Variants in MRPS27 observed in about 807,000 individuals in gnomAD.
MRPS27 encodes the protein small ribosomal subunit protein mS27.
MRPS27 carries 43 observed loss-of-function variants against 48.9 expected under a neutral mutation model. The ratio of observed to expected loss-of-function variants is 0.88; its 90% CI spans 0.69 to 1.13. MRPS27 has a LOEUF of 1.13. MRPS27 is among the 50% of genes most tolerant of loss of function. The pLI is 0.00. For missense variants in MRPS27, 467 were observed against 476.3 expected (o/e 0.98, Z 0.18); for synonymous variants, 188 against 171.9 (o/e 1.09, Z -0.73).
intron 4 of MRPS27, among the ~76,000 whole-genome samples, chr5:72,292,437 C>T (rs1253562106): frequency 6.6e-6 from 1 of 152,114 alleles, no homozygotes; most frequent in Non-Finnish European, 1.5e-5. Context: ...TGAATAGCAG[C>T]CTTTCTATCT....
rs1174250907 is a variant in MRPS27, at chr5:72,267,723, T to TA, written c.281+27807dup. ...CTCCAGAAATACATTTTGTCCAAAG[T>TA]AAAAAATGCCTGCAGTCAAAATCAA... On this transcript the variant is annotated intron_variant, in intron 4 of 10. Coordinates refer to ENST00000261413, the MANE Select transcript of MRPS27 (RefSeq NM_015084.3). Among the ~76,000 whole-genome samples the TA allele has an allele frequency of 5.3e-5, 8 of 151,984 alleles. No individual in the cohort carries two copies. The East Asian group carries it at 1.5e-3, about 29-fold the overall frequency.
intron 1 of MRPS27, among the ~76,000 whole-genome samples, chr5:72,319,537 CTTTTT>C (rs35020848): frequency 2.4e-5 from 2 of 84,198 alleles, no homozygotes; most frequent in Non-Finnish European, 2.2e-5. Context: ...TAGGTTTTTC[CTTTTT>C]TTTTTTTTTT....
At chr5:72,237,571 A>G (rs551864730) in intron 5 of MRPS27, among the ~76,000 whole-genome samples, 1 of 152,298 alleles carries the variant, frequency 6.6e-6, no homozygotes, top group African/African-American at 2.4e-5. Flanking sequence ...GAATGTAAGT[A>G]AGACTCAACT....
intron 4 of MRPS27, among the ~76,000 whole-genome samples, chr5:72,281,332 A>C (rs1201713042): frequency 1.3e-5 from 2 of 152,144 alleles, no homozygotes; most frequent in East Asian, 3.9e-4. Flanking sequence ...CACTCATTTT[A>C]TGAGGGAGGA....
chr5:72,234,112 TTC>T lies in MRPS27; in HGVS notation c.475+5_475+6del. ...TATAAACACTGAATCTGGGGTTAGTTTCTTACCTTTGTAATTTTCTTTCTTTA... is the reference window on the plus strand; with the variant it reads ...TATAAACACTGAATCTGGGGTTAGTTTTACCTTTGTAATTTTCTTTCTTTA... On this transcript the variant is annotated splice_donor_5th_base_variant and intron_variant, in intron 6 of 10. Transcript: ENST00000261413. 2 of 1,506,804 alleles carry T rather than the reference TTC, an allele frequency of 1.3e-6. No individual in the cohort carries two copies. The highest frequency in any genetic ancestry group is 1.8e-6 in the Non-Finnish European group (2 of 1,131,172). 93.3% of individuals were successfully genotyped at this position (1,506,804 alleles called of 1,614,324 possible).
intron 4 of MRPS27, among the ~76,000 whole-genome samples, chr5:72,247,254 TG>T (rs1196583608): frequency 6.6e-6 from 1 of 152,196 alleles, no homozygotes; most frequent in African/African-American, 2.4e-5. Flanking sequence ...AAAATACACT[TG>T]AACTCTGGAC....
At position 72,226,876 on chromosome 5, in the gene MRPS27, G is replaced by A. The variant is rs540029360; in HGVS notation, c.695-677C>T. Among the ~76,000 whole-genome samples the A allele has an allele frequency of 1.8e-4, 27 of 152,298 alleles. No individual in the cohort carries two copies. The South Asian group carries it at 5.0e-3, about 28-fold the overall frequency. On this transcript the variant is annotated intron_variant, in intron 8 of 10. Transcript: ENST00000261413. ...AGACAGCAGGGTCTTCTGGTAGGGA[G>A]ATGGCTGTCTGTATTCCTGTGGCAC...
At chr5:72,285,170 T>TC (rs1262480378) in intron 4 of MRPS27, among the ~76,000 whole-genome samples, 2 of 152,172 alleles carry the variant, frequency 1.3e-5, no homozygotes, top group Non-Finnish European at 2.9e-5. Flanking sequence ...TTCTCATTAT[T>TC]CCCCAACAAA....
chr5:72,225,825 G>GT lies in MRPS27; in HGVS notation c.837+231dup, dbSNP rs1189851991. ...AGGTGAGGGACGAGGCAGTGGAATA[G>GT]TTTTTTTTTCCTAGACAATGAACTA... On this transcript the variant is annotated intron_variant, in intron 9 of 10. Coordinates refer to ENST00000261413, the MANE Select transcript of MRPS27 (RefSeq NM_015084.3). 2.6e-3 allele frequency among the ~76,000 whole-genome samples: 385 copies of GT among 149,676 alleles called. 3 individuals are homozygous for GT. Among genetic ancestry groups the GT allele is most frequent in the Non-Finnish European group, 3.9e-3 (261 of 67,408 alleles).
chr5:72,234,015 A>C, intron 6 of MRPS27, 104 bp downstream of exon 6: 68 of 1,223,086 alleles, frequency 5.6e-5, no homozygotes, highest in Non-Finnish European at 6.5e-5. Flanking sequence ...CGAGTAATGA[A>C]GAGATGTTAT....
chr5:72,303,523 T>C (rs1433709320), intron 2 of MRPS27, among the ~76,000 whole-genome samples: 2 of 152,048 alleles, frequency 1.3e-5, no homozygotes, highest in East Asian at 1.9e-4. Flanking sequence ...ATTCAGGATA[T>C]GTATACAATC....
In MRPS27 at chr5:72,226,049, G is replaced by A. The variant is rs1159648567; in HGVS notation, c.837+8C>T. The stretch of plus-strand genomic sequence containing the variant: ...TAAATCTCACTGCCTTAGAGCTGAA[G>A]AACATACCGCTTCTCTACACAGCTT... On this transcript the variant is annotated splice_region_variant and intron_variant, in intron 9 of 10. Coordinates refer to ENST00000261413, the MANE Select transcript of MRPS27 (RefSeq NM_015084.3). 6.2e-7 allele frequency: 1 copy of A among 1,609,518 alleles called. No individual in the cohort carries two copies. The highest frequency in any genetic ancestry group is 1.1e-5 in the South Asian group (1 of 90,942).
At chr5:72,314,253 C>G in intron 1 of MRPS27, 95 bp from the exon 2 acceptor site, 1 of 817,982 alleles carries the variant, frequency 1.2e-6, no homozygotes, top group Non-Finnish European at 2.0e-6. Flanking sequence ...CTTTCAACTA[C>G]TAGATTATAT....
chr5:72,228,453 G>T, intron 7 of MRPS27, 85 bp from the exon 8 acceptor site: 1 of 854,396 alleles, frequency 1.2e-6, no homozygotes, highest in Non-Finnish European at 1.9e-6. Context: ...ATGAGGAAAA[G>T]AACATGTTAT....
intron 7 of MRPS27, chr5:72,229,423 C>A (rs1273628571): frequency 6.6e-6 from 1 of 152,102 alleles, no homozygotes; most frequent in Admixed American, 6.6e-5. Context: ...ACAACGCCCC[C>A]CCCCAAGCAC....
At chr5:72,301,414 A>G (rs968553570) in intron 2 of MRPS27, among the ~76,000 whole-genome samples, 11 of 152,232 alleles carry the variant, frequency 7.2e-5, no homozygotes, top group Admixed American at 2.0e-4. Flanking sequence ...TCATTTCATA[A>G]TGAAGGCTTC....
rs144450614 is a variant in MRPS27, at chr5:72,223,667, T to C, written c.1005+16A>G. 85 of 1,613,792 alleles carry C rather than the reference T, an allele frequency of 5.3e-5. No homozygotes were observed. The East Asian group carries it at 1.8e-3, about 35-fold the overall frequency. ...TTTATGCGCTGCTAAGAGAGACACG[T>C]TCTGCTATGATTCACCTTAAATCGT... On this transcript the variant is annotated intron_variant, in intron 10 of 10. Coordinates refer to ENST00000261413, the MANE Select transcript of MRPS27 (RefSeq NM_015084.3).
At chr5:72,233,761 A>AG in intron 6 of MRPS27, among the ~76,000 whole-genome samples, 1 of 152,266 alleles carries the variant, frequency 6.6e-6, no homozygotes, top group African/African-American at 2.4e-5. Flanking sequence ...GAAAAAAAAA[A>AG]TCTCATTTCT....
intron 4 of MRPS27, 141 bp downstream of exon 4, chr5:72,295,390 A>G: frequency 1.7e-6 from 1 of 588,914 alleles, no homozygotes; most frequent in Non-Finnish European, 3.0e-6. Context: ...AAAATCAGAA[A>G]CTCTCTCTAT....
Sources: gnomAD v4.1 joint callset for allele counts (sites outside exome capture counted in the v4.1 genomes callset) on GRCh38, gnomAD v4.1.1 for gene constraint, MANE v1.5 for transcripts, NCBI Gene and HGNC (gene_info 2026-07-23, HGNC 2026-07-21) for gene names.